Variants in PRPF6 observed in about 807,000 individuals in gnomAD.
The protein encoded by PRPF6 is pre-mRNA-processing factor 6.
Under a neutral mutation model 118.3 loss-of-function variants are expected in PRPF6, and 42 were observed. The ratio of observed to expected loss-of-function variants is 0.35; its 90% CI spans 0.28 to 0.46. PRPF6 has a LOEUF of 0.46. Ranked by LOEUF, PRPF6 falls within the 20% of genes least tolerant of loss-of-function variation. The probability of loss-of-function intolerance (pLI) is 1.00; values close to 1 mark genes in which losing one functional copy is unlikely to be tolerated. For synonymous variants in PRPF6, 481 were observed against 485.1 expected, an observed-to-expected ratio of 0.99 and a Z score of 0.11; for missense variants, 662 against 1,255.7, an observed-to-expected ratio of 0.53 and a Z score of 7.15.
intron 9 of PRPF6, among the ~76,000 whole-genome samples, chr20:64,004,879 C>G (rs1249705367): frequency 6.6e-6 from 1 of 152,170 alleles, no homozygotes; most frequent in Non-Finnish European, 1.5e-5. Flanking sequence ...TACACTAACG[C>G]CATATGCTCT....
Position 64,022,746 on chromosome 20 carries a change from C to T in PRPF6, c.1648-11C>T, listed in dbSNP as rs1318664936. 9 of 1,613,936 alleles carry T rather than the reference C, an allele frequency of 5.6e-6. No individual in the cohort carries two copies. Among genetic ancestry groups the T allele is most frequent in the African/African-American group, 4.0e-5 (3 of 74,950 alleles). On this transcript the variant is annotated splice_polypyrimidine_tract_variant and intron_variant, in intron 12 of 20. Transcript: ENST00000266079. ...CTGGGCTGCCCATTCTCATGTCTCT[C>T]TCTGCTCTAGTGTGTAGCCCACAAT...
At chr20:64,010,051 T>C in intron 9 of PRPF6, 149 bp from the exon 10 acceptor site, 1 of 773,052 alleles carries the variant, frequency 1.3e-6, no homozygotes, top group South Asian at 1.4e-5. Context: ...GCCCCAGACC[T>C]GAAGGAAGCC....
rs1283444037 is a variant in PRPF6, at chr20:64,026,959, G to C, written c.2029-23G>C. ...GTACCCTGGAGCTGATGCCCTGCGTGACAGTGCATGTCTGCCCCACAGGTG... is the reference window on the plus strand; with the variant it reads ...GTACCCTGGAGCTGATGCCCTGCGTCACAGTGCATGTCTGCCCCACAGGTG... On this transcript the variant is annotated intron_variant, in intron 15 of 20. Coordinates refer to ENST00000266079, the MANE Select transcript of PRPF6 (RefSeq NM_012469.4). This position sits in a 1 kb window ranked among gnomAD's most constrained non-coding sequence, Gnocchi z 4.4. 1 of 1,613,472 alleles carries C rather than the reference G, an allele frequency of 6.2e-7. No homozygotes were observed. The highest frequency in any genetic ancestry group is 8.5e-7 in the Non-Finnish European group (1 of 1,179,818).
intron 3 of PRPF6, among the ~76,000 whole-genome samples, chr20:63,989,888 G>C (rs984164071): frequency 4.6e-5 from 7 of 152,100 alleles, no homozygotes; most frequent in South Asian, 2.1e-4. Context: ...GATAATTTTA[G>C]AATAGTAAAA....
At chr20:64,017,566 A>G (rs561017201) in intron 12 of PRPF6, among the ~76,000 whole-genome samples, 230 of 144,610 alleles carry the variant, frequency 1.6e-3, no homozygotes, top group African/African-American at 5.9e-3. Context: ...CGGTGCTGGG[A>G]TCACAGGCGT....
chr20:64,031,803 G>T, intron 19 of PRPF6, 115 bp from the exon 20 acceptor site: 1 of 1,424,788 alleles, frequency 7.0e-7, no homozygotes, highest in East Asian at 2.3e-5. Flanking sequence ...CTTCTTGAGG[G>T]GAGCACCAGG....
intron 3 of PRPF6, 71 bp from the exon 4 acceptor site, chr20:63,993,336 T>G: frequency 3.6e-6 from 4 of 1,097,710 alleles, no homozygotes; most frequent in Non-Finnish European, 4.1e-6. Context: ...GTGATTTAAT[T>G]GAGATGGATA....
intron 9 of PRPF6, among the ~76,000 whole-genome samples, chr20:64,002,801 G>A (rs575792864): frequency 1.7e-4 from 26 of 151,408 alleles, no homozygotes; most frequent in Non-Finnish European, 5.9e-5. Flanking sequence ...CTGCCACCAC[G>A]CCTGCTTAAT....
intron 9 of PRPF6, among the ~76,000 whole-genome samples, chr20:64,009,497 CGGATCACTT>C (rs1555918602): frequency 6.6e-6 from 1 of 152,010 alleles, no homozygotes; most frequent in Non-Finnish European, 1.5e-5. Context: ...CCGAAGCGGG[CGGATCACTT>C]GAGATCAGGA....
intron 13 of PRPF6, 30 bp downstream of exon 13, chr20:64,022,908 T>A: frequency 6.2e-7 from 1 of 1,613,662 alleles, no homozygotes; most frequent in Non-Finnish European, 8.5e-7. Flanking sequence ...TGCCCAAGGG[T>A]GCTAATGAAA....
In PRPF6 at chr20:64,026,717, G is replaced by C. The variant is rs985979345; in HGVS notation, c.2029-265G>C. Among the ~76,000 whole-genome samples, 1 of 151,128 alleles carries C rather than the reference G, an allele frequency of 6.6e-6. No homozygotes were observed. Among genetic ancestry groups the C allele is most frequent in the Non-Finnish European group, 1.5e-5 (1 of 67,822 alleles). Reference sequence around the variant, plus strand: ...TGGGAGGCTGAGGCAGGAGAATGGTGTGAACCCAGCAGGTGGAGCTTGCAG... The same window carrying C: ...TGGGAGGCTGAGGCAGGAGAATGGTCTGAACCCAGCAGGTGGAGCTTGCAG... On this transcript the variant is annotated intron_variant, in intron 15 of 20. Coordinates refer to ENST00000266079, the MANE Select transcript of PRPF6 (RefSeq NM_012469.4). The surrounding 1 kb of genome is among the most constrained non-coding windows in gnomAD (Gnocchi z 4.4).
Position 64,028,491 on chromosome 20 carries a change from C to A in PRPF6, c.2353C>A (p.Arg785=). 3 of 1,613,820 alleles carry A rather than the reference C, an allele frequency of 1.9e-6. No homozygotes were observed. The highest frequency in any genetic ancestry group is 2.5e-6 in the Non-Finnish European group (3 of 1,179,972). ...CTGTCTCCTCAGGTTGGAGTCCGTG[C>A]GGCTGGAGTACCGTGCGGGGCTGAA... ...KNPGLWLESV[R]LEYRAGLKNI... The change falls in exon 18 of 21, where the codon CGG becomes AGG. Residue 785 remains arginine (R), a synonymous_variant. Transcript: ENST00000266079. The surrounding 1 kb of genome is among the most constrained non-coding windows in gnomAD (Gnocchi z 6.5).
At chr20:64,000,350 G>A (rs759449752) in intron 8 of PRPF6, among the ~76,000 whole-genome samples, 1 of 151,130 alleles carries the variant, frequency 6.6e-6, no homozygotes, top group Admixed American at 6.6e-5. Flanking sequence ...TTAGCCAGGC[G>A]TCGTGACAGG....
intron 11 of PRPF6, among the ~76,000 whole-genome samples, chr20:64,016,422 C>G (rs2059238807): frequency 6.6e-6 from 1 of 152,198 alleles, no homozygotes. Context: ...CCACACCTGG[C>G]TGAGACCTTG....
At chr20:63,991,881 A>G (rs2059120299) in intron 3 of PRPF6, among the ~76,000 whole-genome samples, 1 of 152,208 alleles carries the variant, frequency 6.6e-6, no homozygotes, top group African/African-American at 2.4e-5. Context: ...TGTGAATACC[A>G]TATCCTCACA....
chr20:63,995,565 T>G, intron 6 of PRPF6, 83 bp downstream of exon 6: 1 of 1,509,758 alleles, frequency 6.6e-7, no homozygotes, highest in South Asian at 1.2e-5. Flanking sequence ...CTTCTTCTTC[T>G]TCTCCTTTTT....
Position 64,033,058 on chromosome 20 carries a change from C to A in PRPF6, c.*65C>A, listed in dbSNP as rs1279109699. 1.6e-5 allele frequency: 25 copies of A among 1,598,748 alleles called. No homozygotes were observed. Among genetic ancestry groups the A allele is most frequent in the Non-Finnish European group, 1.9e-5 (22 of 1,170,248 alleles). On this transcript the variant is annotated 3_prime_UTR_variant, in exon 21 of 21. Coordinates refer to ENST00000266079, the MANE Select transcript of PRPF6 (RefSeq NM_012469.4). ...GGGCCGCATGTGGAAGGGCTCTGAG[C>A]TGTGTCCTCCTTCATTAAAAGTTTT...
At chr20:64,016,408 G>T (rs2059238741) in intron 11 of PRPF6, among the ~76,000 whole-genome samples, 1 of 151,992 alleles carries the variant, frequency 6.6e-6, no homozygotes, top group African/African-American at 2.4e-5. Flanking sequence ...ACAGGTGTGA[G>T]CCCCCACACC....
At chr20:64,016,123 CTTT>C (rs756499334) in intron 11 of PRPF6, among the ~76,000 whole-genome samples, 1 of 142,070 alleles carries the variant, frequency 7.0e-6, no homozygotes. Context: ...GACTCTCTCT[CTTT>C]TTTTTTTTTT....
Sources: gnomAD v4.1 joint callset for allele counts (sites outside exome capture counted in the v4.1 genomes callset) on GRCh38, gnomAD v4.1.1 for gene constraint, Gnocchi (gnomAD v3.1) non-coding constraint, MANE v1.5 for transcripts, NCBI Gene and HGNC (gene_info 2026-07-23, HGNC 2026-07-21) for gene names.